ADD2: variants seen among roughly 807,000 people sequenced by gnomAD.
ADD2 encodes the protein adducin 2.
A neutral mutation model predicts 83.0 loss-of-function variants in ADD2; 23 were observed. The observed-to-expected ratio is 0.28, with a 90% CI of 0.20 to 0.39. The LOEUF (loss-of-function observed/expected upper bound fraction) is 0.39. ADD2 is among the 10% of genes least tolerant of loss of function. ADD2 has a pLI of 1.00. For missense variants in ADD2, 758 were observed against 944.9 expected, an observed-to-expected ratio of 0.80 and a Z score of 2.59; for synonymous variants, 375 against 375.4, an observed-to-expected ratio of 1.00 and a Z score of 0.01.
At chr2:70,749,974 A>T (rs966121130) in intron 1 of ADD2, among the ~76,000 whole-genome samples, 2 of 152,222 alleles carry the variant, frequency 1.3e-5, no homozygotes, top group Non-Finnish European at 2.9e-5. Context: ...AGTGTCACAC[A>T]GACAAAAGAC....
rs782566928 is a variant in ADD2 at position 70,676,732 on chromosome 2, C to A, written c.1593+64G>T. 3.7e-6 allele frequency: 6 copies of A among 1,609,622 alleles called. No individual in the cohort carries two copies. The highest frequency in any genetic ancestry group is 8.5e-7 in the Non-Finnish European group (1 of 1,177,642). ...ACTCAGGGGTCCTGCAACCCAGCCC[C>A]AGGCACAGAAGACCCCGAAGGCAAA... On this transcript the variant is annotated intron_variant, in intron 13 of 15. Transcript: ENST00000264436. The surrounding 1 kb of genome is among the most constrained non-coding windows in gnomAD (Gnocchi z 4.8).
chr2:70,729,755 A>AC (rs1253301165), intron 1 of ADD2, among the ~76,000 whole-genome samples: 1 of 152,128 alleles, frequency 6.6e-6, no homozygotes, highest in Non-Finnish European at 1.5e-5. Context: ...CTTTCTAAAT[A>AC]CCCCCTTGGA....
intron 9 of ADD2, among the ~76,000 whole-genome samples, chr2:70,685,057 T>C (rs1471449351): frequency 6.6e-6 from 1 of 152,226 alleles, no homozygotes; most frequent in African/African-American, 2.4e-5. Flanking sequence ...GGCTTATGAA[T>C]AGTCCAGGTG....
At chr2:70,717,064 C>T (rs1672507482) in intron 1 of ADD2, among the ~76,000 whole-genome samples, 1 of 152,130 alleles carries the variant, frequency 6.6e-6, no homozygotes, top group South Asian at 2.1e-4. Flanking sequence ...CACCCCCTCA[C>T]CTCCCTCAGC....
chr2:70,766,060 A>G (rs1207741963), intron 1 of ADD2, among the ~76,000 whole-genome samples: 2 of 152,196 alleles, frequency 1.3e-5, no homozygotes, highest in Admixed American at 6.5e-5. Flanking sequence ...AATATTTAAA[A>G]CAAATTCAAT....
intron 4 of ADD2, among the ~76,000 whole-genome samples, chr2:70,696,626 C>G (rs1671327647): frequency 2.0e-5 from 3 of 152,182 alleles, no homozygotes; most frequent in African/African-American, 7.2e-5. Flanking sequence ...CATGGCAAGT[C>G]TCAAGGCCAC....
At chr2:70,729,736 T>G (rs987875091) in intron 1 of ADD2, among the ~76,000 whole-genome samples, 9 of 152,210 alleles carry the variant, frequency 5.9e-5, no homozygotes. Flanking sequence ...GCAGTTCCAG[T>G]CCTTTACACT....
intron 1 of ADD2, among the ~76,000 whole-genome samples, chr2:70,717,087 C>G (rs575725162): frequency 6.6e-6 from 1 of 152,212 alleles, no homozygotes; most frequent in African/African-American, 2.4e-5. Context: ...GGACCCTCCT[C>G]TCTGCACAGA....
intron 1 of ADD2, among the ~76,000 whole-genome samples, chr2:70,725,395 C>A (rs533256664): frequency 6.8e-4 from 103 of 152,220 alleles, no homozygotes; most frequent in Non-Finnish European, 8.5e-4. Context: ...TCCTCCCCAA[C>A]CCCCTGCCAA....
At chr2:70,677,949 C>T (rs1266226875) in intron 11 of ADD2, 72 bp from the exon 12 acceptor site, 32 of 1,597,388 alleles carry the variant, frequency 2.0e-5, no homozygotes, top group African/African-American at 8.0e-5. Context: ...GGTCCACCCA[C>T]GAGATCTGGG....
intron 1 of ADD2, 37 bp from the exon 2 acceptor site, chr2:70,713,221 A>G (rs968202127): frequency 4.7e-5 from 39 of 821,508 alleles, no homozygotes; most frequent in Non-Finnish European, 5.4e-5. Flanking sequence ...CAGGGCCTGC[A>G]CCACCATGAC....
chr2:70,726,017 C>A (rs900810080), intron 1 of ADD2, among the ~76,000 whole-genome samples: 6 of 151,646 alleles, frequency 4.0e-5, no homozygotes, highest in Non-Finnish European at 5.9e-5. Context: ...GAAACCCCGT[C>A]TCTACTAAAA....
intron 10 of ADD2, among the ~76,000 whole-genome samples, chr2:70,679,839 C>T (rs1470335024): frequency 6.6e-6 from 1 of 152,112 alleles, no homozygotes; most frequent in Non-Finnish European, 1.5e-5. Context: ...TTTCCAATTA[C>T]ATATAATGGC....
intron 1 of ADD2, among the ~76,000 whole-genome samples, chr2:70,748,548 T>A (rs1674347855): frequency 6.6e-6 from 1 of 152,150 alleles, no homozygotes; most frequent in Non-Finnish European, 1.5e-5. Context: ...GAGCACTTCC[T>A]ACCTGGGAAT....
intron 1 of ADD2, among the ~76,000 whole-genome samples, chr2:70,747,921 G>A (rs1291792187): frequency 1.3e-5 from 2 of 152,138 alleles, no homozygotes; most frequent in South Asian, 2.1e-4. Flanking sequence ...TGGTACAAAG[G>A]CATTTGCTCT....
intron 4 of ADD2, among the ~76,000 whole-genome samples, chr2:70,702,656 CA>C (rs200019485): frequency 1.5e-4 from 19 of 129,600 alleles, no homozygotes; most frequent in Non-Finnish European, 3.0e-4. Flanking sequence ...TTCTACAAGA[CA>C]AAAAAAATGC....
chr2:70,682,474 G>C lies in ADD2; in HGVS notation c.1125+1117C>G, dbSNP rs1670510562. ...CTGGTAACAAAGTAGAGATGATTTG[G>C]AGGAACTGAAGACAGGGAGAAATGT... On this transcript the variant is annotated intron_variant, in intron 10 of 15. Coordinates refer to ENST00000264436, the MANE Select transcript of ADD2 (RefSeq NM_001617.4). Among the ~76,000 whole-genome samples the C allele has an allele frequency of 2.6e-5, 4 of 152,198 alleles. No homozygotes were observed. The South Asian group carries it at 8.3e-4, about 32-fold the overall frequency.
At chr2:70,694,399 C>T (rs1389400474) in intron 6 of ADD2, among the ~76,000 whole-genome samples, 4 of 152,130 alleles carry the variant, frequency 2.6e-5, no homozygotes, top group African/African-American at 4.8e-5. Context: ...TTGCATTACT[C>T]CCCTGCTCGC....
chr2:70,757,234 C>T (rs2104548797), intron 1 of ADD2, among the ~76,000 whole-genome samples: 1 of 151,026 alleles, frequency 6.6e-6, no homozygotes. Flanking sequence ...GAGGTATCTA[C>T]AGCAGAACAA....
Sources: allele counts gnomAD v4.1 joint callset (sites outside exome capture counted in the v4.1 genomes callset), GRCh38; gene constraint gnomAD v4.1.1; non-coding constraint Gnocchi (gnomAD v3.1); transcripts MANE v1.5; gene names NCBI Gene and HGNC (gene_info 2026-07-23, HGNC 2026-07-21).